Variants in ZFYVE28 observed in about 807,000 individuals in gnomAD.
ZFYVE28 encodes the protein zinc finger FYVE-type containing 28.
A neutral mutation model predicts 82.1 loss-of-function variants in ZFYVE28; 40 were observed. That is an observed-to-expected ratio of 0.49 (90% CI 0.38 to 0.63). ZFYVE28 has a LOEUF of 0.63. ZFYVE28 is among the 30% of genes least tolerant of loss of function. The pLI is 0.00. For synonymous variants in ZFYVE28, 612 were observed against 546.1 expected (o/e 1.12, Z -1.68); for missense variants, 1,321 against 1,242.1 (o/e 1.06, Z -0.96).
At chr4:2,301,512 GC>G (rs71644323) in intron 8 of ZFYVE28, among the ~76,000 whole-genome samples, 42,436 of 151,778 alleles carry the variant, frequency 0.28, 7,013 homozygotes, top group Non-Finnish European at 0.36. Flanking sequence ...CCTCAGCTGA[GC>G]CTCAGCGTCT....
rs960408914 is a variant in ZFYVE28, at chr4:2,332,631, A to C, written c.701+3074T>G. 6.6e-6 allele frequency among the ~76,000 whole-genome samples: 1 copy of C among 152,202 alleles called. No individual in the cohort carries two copies. The highest frequency in any genetic ancestry group is 1.5e-5 in the Non-Finnish European group (1 of 68,026). ...TCACTGAATGAACACAGGAAGGAGC[A>C]GGTTCTGGGCCCCACCACGGGCAGC... On this transcript the variant is annotated intron_variant, in intron 6 of 12. Coordinates refer to ENST00000290974, the MANE Select transcript of ZFYVE28 (RefSeq NM_020972.3). This position sits in a 1 kb window ranked among gnomAD's most constrained non-coding sequence, Gnocchi z 4.7.
At chr4:2,278,740 A>G (rs1178672351) in intron 8 of ZFYVE28, among the ~76,000 whole-genome samples, 1 of 144,326 alleles carries the variant, frequency 6.9e-6, no homozygotes, top group Non-Finnish European at 1.5e-5. Context: ...TTACAATCCA[A>G]CAACAAAAAG....
At chr4:2,370,823 G>C (rs796670198) in intron 1 of ZFYVE28, among the ~76,000 whole-genome samples, 1 of 152,198 alleles carries the variant, frequency 6.6e-6, no homozygotes, top group Non-Finnish European at 1.5e-5. Context: ...ACACTGTGAT[G>C]CTGGGCGCCT....
chr4:2,379,201 C>A (rs1241089696), intron 1 of ZFYVE28, among the ~76,000 whole-genome samples: 1 of 152,152 alleles, frequency 6.6e-6, no homozygotes, highest in Non-Finnish European at 1.5e-5. Context: ...ATTGGGGGGA[C>A]CGCTCCAGGG....
At chr4:2,280,792 G>T (rs1308733523) in intron 8 of ZFYVE28, among the ~76,000 whole-genome samples, 1 of 152,260 alleles carries the variant, frequency 6.6e-6, no homozygotes, top group Non-Finnish European at 1.5e-5. Flanking sequence ...GAAAGGAGAA[G>T]CCCATGGGAA....
At chr4:2,368,237 A>T (rs1578276814) in intron 1 of ZFYVE28, among the ~76,000 whole-genome samples, 2 of 143,836 alleles carry the variant, frequency 1.4e-5, no homozygotes, top group South Asian at 2.2e-4. Flanking sequence ...AAAACACTGT[A>T]TCTACACACA....
intron 1 of ZFYVE28, among the ~76,000 whole-genome samples, chr4:2,382,903 T>C (rs1728871731): frequency 6.7e-6 from 1 of 149,962 alleles, no homozygotes; most frequent in South Asian, 2.2e-4. Flanking sequence ...CAGGAGAAAA[T>C]GAGGAAGAAG....
intron 1 of ZFYVE28, among the ~76,000 whole-genome samples, chr4:2,378,636 T>G (rs1236031351): frequency 6.6e-6 from 1 of 152,212 alleles, no homozygotes; most frequent in Non-Finnish European, 1.5e-5. Context: ...GACTCCCGGC[T>G]GGGGCTGGTC....
rs1051923078 is a variant in ZFYVE28, at chr4:2,372,282, T to C, written c.40-18209A>G. Among the ~76,000 whole-genome samples, 7 of 151,362 alleles carry C rather than the reference T, an allele frequency of 4.6e-5. No homozygotes were observed. The highest frequency in any genetic ancestry group is 2.0e-4 in the Admixed American group (3 of 15,190). On this transcript the variant is annotated intron_variant, in intron 1 of 12. Coordinates refer to ENST00000290974, the MANE Select transcript of ZFYVE28 (RefSeq NM_020972.3). The surrounding 1 kb of genome is among the most constrained non-coding windows in gnomAD (Gnocchi z 5.2). The stretch of plus-strand genomic sequence containing the variant: ...GTTCCGAGAAGGACTCGTGAGGGGG[T>C]AGGAATGGTCCCACCACCCTCACAG...
intron 8 of ZFYVE28, among the ~76,000 whole-genome samples, chr4:2,289,272 C>T (rs1713227391): frequency 6.6e-6 from 1 of 152,184 alleles, no homozygotes; most frequent in Non-Finnish European, 1.5e-5. Flanking sequence ...ACAGTAAGAC[C>T]CTGCCTCAAT....
At chr4:2,271,087 T>A in intron 12 of ZFYVE28, 1 of 739,174 alleles carries the variant, frequency 1.4e-6, no homozygotes, top group Non-Finnish European at 2.2e-6. Context: ...CCCCTCTCTG[T>A]GGCTGGCTCT....
intron 6 of ZFYVE28, among the ~76,000 whole-genome samples, chr4:2,331,219 A>T (rs1430236875): frequency 1.3e-5 from 2 of 151,952 alleles, no homozygotes; most frequent in African/African-American, 4.8e-5. Flanking sequence ...GAAGCGTCGC[A>T]CACACACAGC....
intron 8 of ZFYVE28, among the ~76,000 whole-genome samples, chr4:2,289,595 G>A (rs1713288347): frequency 6.6e-6 from 1 of 152,120 alleles, no homozygotes; most frequent in South Asian, 2.1e-4. Flanking sequence ...ACTGTCAGCA[G>A]CCCCATCGCC....
chr4:2,405,569 A>G (rs28484607), intron 1 of ZFYVE28, among the ~76,000 whole-genome samples: 28,492 of 152,148 alleles, frequency 0.19, 2,819 homozygotes, highest in East Asian at 0.33. Flanking sequence ...AGGCTCTGAG[A>G]TCTGCAGGCC....
Position 2,305,551 on chromosome 4 carries a change from A to G in ZFYVE28, c.804-15T>C, listed in dbSNP as rs777144671. 6.2e-7 allele frequency: 1 copy of G among 1,612,808 alleles called. No homozygotes were observed. Among genetic ancestry groups the G allele is most frequent in the Non-Finnish European group, 8.5e-7 (1 of 1,179,950 alleles). On this transcript the variant is annotated splice_polypyrimidine_tract_variant and intron_variant, in intron 7 of 12. Coordinates refer to ENST00000290974, the MANE Select transcript of ZFYVE28 (RefSeq NM_020972.3). ...GCAGCAAATCCCTACGAATCAAGAC[A>G]AAACCCAAGGGTGAGGGTCCCAAAA...
At chr4:2,354,925 T>C (rs1245255275) in intron 1 of ZFYVE28, among the ~76,000 whole-genome samples, 1 of 151,792 alleles carries the variant, frequency 6.6e-6, no homozygotes, top group Non-Finnish European at 1.5e-5. Flanking sequence ...CTTCACAGCA[T>C]CTCAGTTTCC....
chr4:2,305,550 C>G lies in ZFYVE28; in HGVS notation c.804-14G>C. 1 of 1,612,806 alleles carries G rather than the reference C, an allele frequency of 6.2e-7. No homozygotes were observed. The highest frequency in any genetic ancestry group is 8.5e-7 in the Non-Finnish European group (1 of 1,179,938). On this transcript the variant is annotated splice_polypyrimidine_tract_variant and intron_variant, in intron 7 of 12. Transcript: ENST00000290974. ...TGCAGCAAATCCCTACGAATCAAGA[C>G]AAAACCCAAGGGTGAGGGTCCCAAA...
chr4:2,312,324 GCA>G (rs1717573551), intron 7 of ZFYVE28, among the ~76,000 whole-genome samples: 1 of 152,156 alleles, frequency 6.6e-6, no homozygotes, highest in East Asian at 1.9e-4. Context: ...GATGGCTCGA[GCA>G]CAGGAGTTCA....
Position 2,337,466 on chromosome 4 carries a change from G to T in ZFYVE28, c.552C>A (p.Ser184=), listed in dbSNP as rs1343253080. The change falls in exon 5 of 13, where the codon TCC becomes TCA. Residue 184 remains serine (S), a synonymous_variant. Coordinates refer to ENST00000290974, the MANE Select transcript of ZFYVE28 (RefSeq NM_020972.3). ...CCTGCTGCACGTAGTACTCCCTGGG[G>T]GACTTCACAGGCACCATGGCCGAGA... is the stretch of plus-strand genomic sequence containing the variant. ...SYVSAMVPVK[S]PREYYVQQEV... The T allele has an allele frequency of 6.2e-7, 1 of 1,610,018 alleles. No homozygotes were observed. The highest frequency in any genetic ancestry group is 1.1e-5 in the South Asian group (1 of 90,102).
Sources: gnomAD v4.1 joint callset for allele counts (sites outside exome capture counted in the v4.1 genomes callset) on GRCh38, gnomAD v4.1.1 for gene constraint, Gnocchi (gnomAD v3.1) non-coding constraint, MANE v1.5 for transcripts, NCBI Gene and HGNC (gene_info 2026-07-23, HGNC 2026-07-21) for gene names.